C7orf57: variants seen among roughly 807,000 people sequenced by gnomAD.
C7orf57 encodes the protein uncharacterized protein C7orf57.
C7orf57 carries 33 observed loss-of-function variants against 39.0 expected under a neutral mutation model. The observed-to-expected ratio is 0.85, with a 90% CI of 0.64 to 1.13. C7orf57 has a LOEUF of 1.13. C7orf57 is among the 50% of genes most tolerant of loss of function. The pLI is 0.00. For missense variants in C7orf57, 346 were observed against 362.3 expected, an observed-to-expected ratio of 0.95 and a Z score of 0.37; for synonymous variants, 124 against 137.1, an observed-to-expected ratio of 0.90 and a Z score of 0.67.
Position 48,036,364 on chromosome 7 carries a change from G to A in C7orf57, c.55+1G>A, listed in dbSNP as rs1278547958. 2.5e-6 allele frequency: 4 copies of A among 1,583,050 alleles called. No homozygotes were observed. The highest frequency in any genetic ancestry group is 1.7e-6 in the Non-Finnish European group (2 of 1,165,130). ...GCCACGCACCGCTACGCTCCCTGCG[G>A]TGAGTGCGCCCTGAGCGCGTCCCGG... On this transcript the variant is annotated splice_donor_variant, in intron 2 of 8. Coordinates refer to ENST00000348904, the MANE Select transcript of C7orf57 (RefSeq NM_001100159.3). LOFTEE classifies it high-confidence loss of function.
chr7:48,053,061 C>T (rs1171468977), intron 7 of C7orf57, 138 bp downstream of exon 7: 1 of 735,488 alleles, frequency 1.4e-6, no homozygotes, highest in African/African-American at 1.7e-5. Context: ...CACAGAAGTA[C>T]TAAGGTTACA....
In C7orf57 at chr7:48,043,571, C is replaced by G. The variant is rs200009278; in HGVS notation, c.332C>G (p.Pro111Arg). ...PDWYIHHSKP[P>R]TASQQEVRAV... ...TGGTATATCCACCACAGCAAGCCACCGACAGCCAGCCAGCAAGAGTAAGTA... is the reference window on the plus strand; with the variant it reads ...TGGTATATCCACCACAGCAAGCCACGGACAGCCAGCCAGCAAGAGTAAGTA... The change falls in exon 4 of 9, where the codon CCG becomes CGG. Residue 111 changes from proline to arginine, a missense_variant. Transcript: ENST00000348904. 1 of 1,613,766 alleles carries G rather than the reference C, an allele frequency of 6.2e-7. No individual in the cohort carries two copies. The highest frequency in any genetic ancestry group is 2.2e-5 in the East Asian group (1 of 44,876).
At chr7:48,051,837 T>TCTCTTCTCTTC (rs1298932920) in intron 6 of C7orf57, among the ~76,000 whole-genome samples, 23 of 89,562 alleles carry the variant, frequency 2.6e-4, no homozygotes, top group South Asian at 4.1e-4. Context: ...CTTTCTTTCT[T>TCTCTTCTCTTC]TCTTTCTTTC....
rs1239887353 is a variant in C7orf57 at position 48,041,409 on chromosome 7, T to C, written c.131T>C (p.Leu44Pro). 3.7e-6 allele frequency: 6 copies of C among 1,613,958 alleles called. No homozygotes were observed. The highest frequency in any genetic ancestry group is 5.1e-6 in the Non-Finnish European group (6 of 1,179,888). ...DAPPASQIPG[L>P]SNLGDSHSEN... is the part of the protein sequence containing the mutation. The stretch of plus-strand genomic sequence containing the variant: ...CCACCAGCGTCCCAGATCCCAGGTC[T>C]CAGCAATTTGGGAGACTCACACAGC... The change falls in exon 3 of 9, where the codon CTC becomes CCC. Residue 44 changes from leucine to proline, a missense_variant. Coordinates refer to ENST00000348904, the MANE Select transcript of C7orf57 (RefSeq NM_001100159.3).
At chr7:48,047,857 C>T (rs944217992) in intron 5 of C7orf57, among the ~76,000 whole-genome samples, 3 of 152,024 alleles carry the variant, frequency 2.0e-5, no homozygotes, top group Admixed American at 6.6e-5. Flanking sequence ...TGCATACTAC[C>T]GTAGACACTC....
Position 48,043,599 on chromosome 7 carries a change from T to G in C7orf57, c.350+10T>G. The G allele has an allele frequency of 6.2e-7, 1 of 1,601,838 alleles. No individual in the cohort carries two copies. Among genetic ancestry groups the G allele is most frequent in the Non-Finnish European group, 8.5e-7 (1 of 1,170,788 alleles). The stretch of plus-strand genomic sequence containing the variant: ...CAGCCAGCCAGCAAGAGTAAGTACC[T>G]TAAAGCACTCACATTTTTGTTTATC... On this transcript the variant is annotated intron_variant, in intron 4 of 8. Coordinates refer to ENST00000348904, the MANE Select transcript of C7orf57 (RefSeq NM_001100159.3).
chr7:48,059,539 C>G (rs112994675), intron 8 of C7orf57, among the ~76,000 whole-genome samples: 2,328 of 152,190 alleles, frequency 0.015, 66 homozygotes, highest in African/African-American at 0.054. Flanking sequence ...TTTGTAGGGA[C>G]GAGGTTTCGC....
chr7:48,058,747 T>A (rs1791201233), intron 8 of C7orf57, among the ~76,000 whole-genome samples: 1 of 152,218 alleles, frequency 6.6e-6, no homozygotes, highest in African/African-American at 2.4e-5. Flanking sequence ...GTACAGAAGA[T>A]CACCTTCATA....
chr7:48,049,735 ATTATATT>A, intron 5 of C7orf57, 138 bp from the exon 6 acceptor site: 1 of 609,534 alleles, frequency 1.6e-6, no homozygotes, highest in Middle Eastern at 2.6e-4. Context: ...TTATTGCTGA[ATTATATT>A]TTATTGTGAG....
rs759476287 is a variant in C7orf57 at position 48,054,619 on chromosome 7, A to AG, written c.841+13_841+14insG. On this transcript the variant is annotated intron_variant, in intron 8 of 8. Coordinates refer to ENST00000348904, the MANE Select transcript of C7orf57 (RefSeq NM_001100159.3). ...GAGTCTTCTCAAAGTGAGTACTTAT[A>AG]AAGTAACCAGCACCAAAACACAAAA... 127 of 1,548,778 alleles carry AG rather than the reference A, an allele frequency of 8.2e-5. No individual in the cohort carries two copies. Among genetic ancestry groups the AG allele is most frequent in the Admixed American group, 2.6e-4 (13 of 50,964 alleles).
chr7:48,058,021 T>C (rs1022090894), intron 8 of C7orf57, among the ~76,000 whole-genome samples: 4 of 152,200 alleles, frequency 2.6e-5, no homozygotes, highest in Non-Finnish European at 5.9e-5. Flanking sequence ...TGTTGAACCA[T>C]CCTTGCTTAC....
At position 48,043,524 on chromosome 7, in the gene C7orf57, A is replaced by G. The variant is rs760762141; in HGVS notation, c.285A>G (p.Pro95=). ...CCCCTGGAACCAGGAAAGGCTCTCC[A>G]GTGGCCTACTCCCTGCCAGACTGGT... The part of the protein sequence containing the change: ...HFAPGTRKGS[P]VAYSLPDWYI... Residue 95 remains proline (P), a synonymous_variant, in exon 4 of 9, where the codon CCA becomes CCG. Transcript: ENST00000348904. The G allele has an allele frequency of 3.7e-6, 6 of 1,614,016 alleles. No individual in the cohort carries two copies. In the East Asian group the frequency reaches 1.3e-4, roughly 36 times the overall value.
At chr7:48,054,882 TA>T (rs1791069393) in intron 8 of C7orf57, among the ~76,000 whole-genome samples, 2 of 151,776 alleles carry the variant, frequency 1.3e-5, no homozygotes, top group African/African-American at 4.8e-5. Flanking sequence ...TTATTATTAT[TA>T]TTATTTTTTT....
At chr7:48,036,144 C>A in intron 1 of C7orf57, 64 bp from the exon 2 acceptor site, 1 of 703,782 alleles carries the variant, frequency 1.4e-6, no homozygotes, top group Non-Finnish European at 2.6e-6. Flanking sequence ...AAGGCGCCTG[C>A]AGGCGTGTCA....
In C7orf57 at chr7:48,039,071, C is replaced by A. The variant is rs575680260; in HGVS notation, c.56-2263C>A. Among the ~76,000 whole-genome samples the A allele has an allele frequency of 1.4e-4, 22 of 152,236 alleles. 1 individual carries two copies. In the South Asian group the frequency reaches 4.6e-3, roughly 32 times the overall value. The stretch of plus-strand genomic sequence containing the variant: ...GAGAGTAGATGTGAACATCTCTTAT[C>A]AGACCTAAAAAAGTGTCAGACTCAG... On this transcript the variant is annotated intron_variant, in intron 2 of 8. Coordinates refer to ENST00000348904, the MANE Select transcript of C7orf57 (RefSeq NM_001100159.3).
intron 8 of C7orf57, among the ~76,000 whole-genome samples, chr7:48,056,416 GTTGT>G (rs1358119378): frequency 1.3e-5 from 2 of 151,912 alleles, no homozygotes; most frequent in African/African-American, 4.8e-5. Context: ...CTTGTCTTTT[GTTGT>G]TTGTTTCTTT....
chr7:48,035,625 G>A lies in C7orf57; in HGVS notation c.-107G>A. On this transcript the variant is annotated 5_prime_UTR_variant, in exon 1 of 9. Coordinates refer to ENST00000348904, the MANE Select transcript of C7orf57 (RefSeq NM_001100159.3). This position sits in a 1 kb window ranked among gnomAD's most constrained non-coding sequence, Gnocchi z 4.0. ...GGCAGCACCCACGGAGACCCGCGGG[G>A]AGCTGGTGAGCCTGAGCGGGCTGGA... 1.5e-6 allele frequency: 1 copy of A among 686,530 alleles called. No individual in the cohort carries two copies. The highest frequency in any genetic ancestry group is 2.6e-6 in the Non-Finnish European group (1 of 377,378). 42.5% of individuals were successfully genotyped at this position (686,530 alleles called of 1,614,324 possible). A position where few individuals can be genotyped will look rare whatever the true frequency, so the allele number is the denominator to read the frequency against.
chr7:48,039,633 T>A (rs777453903), intron 2 of C7orf57, among the ~76,000 whole-genome samples: 1 of 152,216 alleles, frequency 6.6e-6, no homozygotes, highest in Admixed American at 6.5e-5. Context: ...AAAAACTTCA[T>A]AGACACAGCT....
chr7:48,051,173 T>C (rs1185811193), intron 6 of C7orf57, among the ~76,000 whole-genome samples: 1 of 151,562 alleles, frequency 6.6e-6, no homozygotes, highest in African/African-American at 2.4e-5. Context: ...AAAGAACCAA[T>C]AAGAAAGTAA....
Sources: gnomAD v4.1 joint callset for allele counts (sites outside exome capture counted in the v4.1 genomes callset) on GRCh38, gnomAD v4.1.1 for gene constraint, Gnocchi (gnomAD v3.1) non-coding constraint, MANE v1.5 for transcripts, NCBI Gene and HGNC (gene_info 2026-07-23, HGNC 2026-07-21) for gene names.